The following SYT16 variants were observed in gnomAD, a reference collection of about 807,000 sequenced individuals.
The protein encoded by SYT16 is synaptotagmin-16.
In SYT16, 42 loss-of-function variants were observed where a neutral mutation model predicts 61.4. The observed-to-expected ratio is 0.68, with a 90% CI of 0.53 to 0.89. The LOEUF is 0.89. Among genes scored for constraint, SYT16 ranks in the 40% least tolerant of loss-of-function variants. SYT16 has a pLI of 0.00. For synonymous variants in SYT16, 314 were observed against 302.3 expected (o/e 1.04, Z -0.40); for missense variants, 804 against 807.3 (o/e 1.00, Z 0.05).
chr14:62,097,931 A>G (rs968783512), intron 7 of SYT16, among the ~76,000 whole-genome samples: 4 of 152,344 alleles, frequency 2.6e-5, no homozygotes, highest in African/African-American at 9.6e-5. Context: ...GCAGCTTCAG[A>G]AACACAAATC....
chr14:61,921,293 G>A (rs1218474766), intron 1 of SYT16, among the ~76,000 whole-genome samples: 2 of 152,020 alleles, frequency 1.3e-5, no homozygotes, highest in African/African-American at 2.4e-5. Context: ...CCTCCTGCCC[G>A]GGGTGTCACT....
At chr14:61,893,680 T>G (rs886790161) in intron 1 of SYT16, among the ~76,000 whole-genome samples, 5 of 152,238 alleles carry the variant, frequency 3.3e-5, no homozygotes, top group African/African-American at 1.2e-4. Context: ...TGGGCTGCAC[T>G]GTAGGCTCCC....
Position 61,813,528 on chromosome 14 carries a change from A to C in SYT16, c.-325+718A>C, listed in dbSNP as rs555046694. Among the ~76,000 whole-genome samples, 164 of 152,378 alleles carry C rather than the reference A, an allele frequency of 1.1e-3. 1 individual carries two copies. The highest frequency in any genetic ancestry group is 3.7e-3 in the African/African-American group (152 of 41,600). On this transcript the variant is annotated intron_variant, in intron 1 of 7. Coordinates refer to ENST00000683842, the MANE Select transcript of SYT16 (RefSeq NM_001367656.1). ...TAGTGAAGCTTCAAAGGGAGTTCAG[A>C]GTAAAACCAAGTCACACCTGCGTAC...
chr14:62,068,278 A>G (rs1015543146), intron 3 of SYT16, among the ~76,000 whole-genome samples: 3 of 152,216 alleles, frequency 2.0e-5, no homozygotes, highest in Non-Finnish European at 4.4e-5. Flanking sequence ...CCTAACATGA[A>G]TGGAACTGGA....
At chr14:61,911,374 T>C (rs1489711757) in intron 1 of SYT16, among the ~76,000 whole-genome samples, 2 of 152,248 alleles carry the variant, frequency 1.3e-5, no homozygotes, top group African/African-American at 4.8e-5. Flanking sequence ...AGTAATAGTT[T>C]GGCCAATTTG....
chr14:61,912,681 A>G (rs2048978645), intron 1 of SYT16, among the ~76,000 whole-genome samples: 1 of 152,194 alleles, frequency 6.6e-6, no homozygotes, highest in African/African-American at 2.4e-5. Context: ...CAAAGAAAAT[A>G]ATAGTTTTGA....
At chr14:61,905,043 G>A (rs2048653073) in intron 1 of SYT16, among the ~76,000 whole-genome samples, 1 of 152,146 alleles carries the variant, frequency 6.6e-6, no homozygotes, top group African/African-American at 2.4e-5. Flanking sequence ...AGAATATCAT[G>A]TATTTACTTA....
At chr14:61,826,833 G>T (rs1294979533) in intron 1 of SYT16, among the ~76,000 whole-genome samples, 1 of 151,962 alleles carries the variant, frequency 6.6e-6, no homozygotes, top group Non-Finnish European at 1.5e-5. Flanking sequence ...TGCCAGGAGG[G>T]TTGGTGTTTG....
At chr14:61,864,508 T>C (rs2047070718) in intron 1 of SYT16, among the ~76,000 whole-genome samples, 1 of 152,366 alleles carries the variant, frequency 6.6e-6, no homozygotes, top group East Asian at 1.9e-4. Context: ...GTGGGCCGCC[T>C]TGGCCTTGTG....
chr14:62,077,456 GA>G (rs2056536610), intron 5 of SYT16: 1 of 152,210 alleles, frequency 6.6e-6, no homozygotes, highest in Non-Finnish European at 1.5e-5. Flanking sequence ...GGCTTGGCAG[GA>G]AAGACAATGG....
chr14:62,062,658 G>T (rs1439233661), intron 3 of SYT16, among the ~76,000 whole-genome samples: 5 of 152,056 alleles, frequency 3.3e-5, no homozygotes, highest in South Asian at 2.1e-4. Flanking sequence ...AATGTGGGCA[G>T]TTGTCATCTT....
At chr14:61,921,733 A>C (rs2049342285) in intron 1 of SYT16, among the ~76,000 whole-genome samples, 1 of 152,176 alleles carries the variant, frequency 6.6e-6, no homozygotes, top group African/African-American at 2.4e-5. Context: ...CTACACTGCT[A>C]GTTGTCATTA....
intron 1 of SYT16, among the ~76,000 whole-genome samples, chr14:61,819,367 T>C (rs372221726): frequency 6.6e-6 from 1 of 152,198 alleles, no homozygotes; most frequent in East Asian, 1.9e-4. Flanking sequence ...ATTGGAGAGG[T>C]ATCTGAAGTG....
At chr14:61,948,228 C>T (rs564275922) in intron 1 of SYT16, among the ~76,000 whole-genome samples, 41 of 152,076 alleles carry the variant, frequency 2.7e-4, no homozygotes, top group Non-Finnish European at 4.6e-4. Context: ...CAGTATCCTG[C>T]GTAAGTGTAT....
intron 1 of SYT16, among the ~76,000 whole-genome samples, chr14:61,924,836 A>G (rs760024955): frequency 4.8e-4 from 73 of 152,238 alleles, no homozygotes; most frequent in Non-Finnish European, 6.0e-4. Flanking sequence ...ACCCCAAATT[A>G]TGGTGCCTTT....
intron 3 of SYT16, among the ~76,000 whole-genome samples, chr14:62,047,934 C>T (rs1460436517): frequency 6.6e-6 from 1 of 152,094 alleles, no homozygotes; most frequent in Non-Finnish European, 1.5e-5. Flanking sequence ...GTCTAAAATT[C>T]TCTTTTTTTT....
chr14:61,873,872 C>T (rs1033284926), intron 1 of SYT16, among the ~76,000 whole-genome samples: 16 of 152,100 alleles, frequency 1.1e-4, no homozygotes, highest in Admixed American at 1.3e-4. Context: ...GGTATTAAAA[C>T]GGGATGGTGG....
chr14:61,980,952 GTGTGTGTT>G (rs1378615590), intron 2 of SYT16, among the ~76,000 whole-genome samples: 28 of 108,278 alleles, frequency 2.6e-4, no homozygotes, highest in Non-Finnish European at 2.4e-4. Context: ...TTGTGTGTGT[GTGTGTGTT>G]TGTGTGTGTG....
intron 1 of SYT16, among the ~76,000 whole-genome samples, chr14:61,957,611 G>A (rs547786893): frequency 6.7e-6 from 1 of 150,272 alleles, no homozygotes; most frequent in South Asian, 2.1e-4. Context: ...TTCATGGATT[G>A]ATTTGTGTAT....
Sources: allele counts gnomAD v4.1 joint callset (sites outside exome capture counted in the v4.1 genomes callset), GRCh38; gene constraint gnomAD v4.1.1; transcripts MANE v1.5; gene names NCBI Gene and HGNC (gene_info 2026-07-23, HGNC 2026-07-21).